SPIRE1: variants seen among roughly 807,000 people sequenced by gnomAD.
SPIRE1 encodes the protein protein spire homolog 1.
A neutral mutation model predicts 94.1 loss-of-function variants in SPIRE1; 40 were observed. That is an observed-to-expected ratio of 0.43 (90% CI 0.33 to 0.55). The LOEUF is 0.55. Among genes scored for constraint, SPIRE1 ranks in the 20% least tolerant of loss-of-function variants. The pLI is 0.06. For missense variants in SPIRE1, 838 were observed against 975.2 expected (o/e 0.86, Z 1.87); for synonymous variants, 376 against 371.7 (o/e 1.01, Z -0.13).
intron 5 of SPIRE1, among the ~76,000 whole-genome samples, chr18:12,511,015 G>A (rs1330133637): frequency 6.6e-6 from 1 of 152,138 alleles, no homozygotes; most frequent in African/African-American, 2.4e-5. Flanking sequence ...CACATTATCT[G>A]TTTTACAAAT....
intron 4 of SPIRE1, among the ~76,000 whole-genome samples, chr18:12,526,966 C>A (rs1368838155): frequency 6.6e-6 from 1 of 152,122 alleles, no homozygotes; most frequent in Non-Finnish European, 1.5e-5. Flanking sequence ...CCTCACCCTC[C>A]CAAAGTGCTG....
chr18:12,556,093 T>C (rs2035495777), intron 2 of SPIRE1, among the ~76,000 whole-genome samples: 1 of 151,234 alleles, frequency 6.6e-6, no homozygotes, highest in African/African-American at 2.4e-5. Context: ...AAAAAATACC[T>C]AGGAATTAAA....
At chr18:12,525,635 G>A (rs1176187279) in intron 4 of SPIRE1, among the ~76,000 whole-genome samples, 4 of 152,048 alleles carry the variant, frequency 2.6e-5, no homozygotes, top group African/African-American at 9.7e-5. Context: ...CAGATCCCAT[G>A]TGTATAGAAC....
At chr18:12,530,018 T>C (rs1336688126) in intron 4 of SPIRE1, among the ~76,000 whole-genome samples, 2 of 152,212 alleles carry the variant, frequency 1.3e-5, no homozygotes, top group Non-Finnish European at 2.9e-5. Flanking sequence ...GTAATGTCAG[T>C]ATTGAATGTT....
At chr18:12,556,824 C>T (rs376445890) in intron 2 of SPIRE1, among the ~76,000 whole-genome samples, 5 of 152,236 alleles carry the variant, frequency 3.3e-5, no homozygotes, top group East Asian at 3.9e-4. Flanking sequence ...CTGCAAAGAG[C>T]GAAAGAACAA....
Position 12,513,342 on chromosome 18 carries a change from T to C in SPIRE1, c.730-811A>G, listed in dbSNP as rs77327683. ...TACTTACAGTAATTCAACCCTAATA[T>C]ATTTACTTTTTGCTGAGCTATGTGC... On this transcript the variant is annotated intron_variant, in intron 4 of 16. Coordinates refer to ENST00000409402, the MANE Select transcript of SPIRE1 (RefSeq NM_001128626.2). Among the ~76,000 whole-genome samples the C allele has an allele frequency of 8.7e-3, 1,332 of 152,244 alleles. 26 individuals carry two copies. The highest frequency in any genetic ancestry group is 0.031 in the African/African-American group (1,286 of 41,544).
intron 4 of SPIRE1, among the ~76,000 whole-genome samples, chr18:12,526,865 A>G (rs2034538297): frequency 1.3e-5 from 2 of 151,984 alleles, no homozygotes; most frequent in South Asian, 4.2e-4. Context: ...ACATGCCACC[A>G]CGCCTGGCTA....
chr18:12,655,896 G>A (rs972975637), intron 1 of SPIRE1, among the ~76,000 whole-genome samples: 1 of 152,014 alleles, frequency 6.6e-6, no homozygotes, highest in African/African-American at 2.4e-5. Context: ...CCCAAGGCAC[G>A]ATATTGCTGT....
chr18:12,498,262 A>C (rs2033530814), intron 6 of SPIRE1, among the ~76,000 whole-genome samples: 1 of 152,206 alleles, frequency 6.6e-6, no homozygotes, highest in African/African-American at 2.4e-5. Context: ...GGTCAGTTAA[A>C]TTATTTTCCT....
chr18:12,451,067 C>A (rs2031214411), intron 16 of SPIRE1: 14 of 375,272 alleles, frequency 3.7e-5, no homozygotes, highest in Admixed American at 7.6e-5. Context: ...AGAGACTGTC[C>A]ATTTGAAAAA....
intron 2 of SPIRE1, among the ~76,000 whole-genome samples, chr18:12,631,564 A>C (rs1256782029): frequency 1.3e-5 from 2 of 149,796 alleles, no homozygotes; most frequent in South Asian, 2.1e-4. Context: ...AAAAAAAAAA[A>C]AAAAAAAAAA....
chr18:12,493,457 A>C (rs996973053), intron 7 of SPIRE1, among the ~76,000 whole-genome samples: 12 of 152,258 alleles, frequency 7.9e-5, no homozygotes, highest in Non-Finnish European at 1.6e-4. Context: ...CCCAGGCTGG[A>C]GTGCAGTGGT....
At chr18:12,525,036 G>A (rs563009933) in intron 4 of SPIRE1, among the ~76,000 whole-genome samples, 1 of 151,282 alleles carries the variant, frequency 6.6e-6, no homozygotes, top group South Asian at 2.1e-4. Context: ...CAGCACTTTG[G>A]GAGGCCGAGG....
intron 2 of SPIRE1, among the ~76,000 whole-genome samples, chr18:12,560,591 C>T (rs1428774013): frequency 2.0e-5 from 3 of 152,218 alleles, no homozygotes; most frequent in African/African-American, 4.8e-5. Flanking sequence ...TGGCTCACAT[C>T]TCTAATCCCA....
chr18:12,510,050 A>G (rs987328473), intron 5 of SPIRE1, among the ~76,000 whole-genome samples: 4 of 151,126 alleles, frequency 2.6e-5, no homozygotes, highest in Non-Finnish European at 5.9e-5. Context: ...ACGCCACTGT[A>G]CTCCAGCCTG....
At chr18:12,607,608 C>T (rs200798106) in intron 2 of SPIRE1, among the ~76,000 whole-genome samples, 20,251 of 114,496 alleles carry the variant, frequency 0.18, 1,894 homozygotes, top group East Asian at 0.62. Context: ...CACACACACA[C>T]ACACACACAC....
intron 1 of SPIRE1, among the ~76,000 whole-genome samples, chr18:12,647,967 T>C (rs1184483685): frequency 2.0e-5 from 3 of 152,068 alleles, no homozygotes; most frequent in African/African-American, 7.2e-5. Context: ...GAGGGCTGCA[T>C]ATCAAAGGAA....
chr18:12,620,016 T>C (rs1244965984), intron 2 of SPIRE1, among the ~76,000 whole-genome samples: 8 of 152,002 alleles, frequency 5.3e-5, no homozygotes, highest in Admixed American at 5.2e-4. Context: ...GGATATATGA[T>C]GAATAAACAA....
At chr18:12,533,798 C>T (rs571677898) in intron 4 of SPIRE1, among the ~76,000 whole-genome samples, 3 of 152,184 alleles carry the variant, frequency 2.0e-5, no homozygotes, top group Non-Finnish European at 4.4e-5. Context: ...GGAAAGGTAA[C>T]GACAGCCTTA....
Sources: allele counts gnomAD v4.1 joint callset (sites outside exome capture counted in the v4.1 genomes callset), GRCh38; gene constraint gnomAD v4.1.1; transcripts MANE v1.5; gene names NCBI Gene and HGNC (gene_info 2026-07-23, HGNC 2026-07-21).